ALDH7A1: variants seen among roughly 807,000 people sequenced by gnomAD.
ALDH7A1 encodes alpha-aminoadipic semialdehyde dehydrogenase.
ALDH7A1 carries 63 observed loss-of-function variants against 79.9 expected under a neutral mutation model. The observed-to-expected ratio is 0.79, with a 90% CI of 0.64 to 0.97. ALDH7A1 has a LOEUF of 0.97. Ranked by LOEUF, ALDH7A1 falls within the 50% of genes least tolerant of loss-of-function variation. The pLI, the probability that ALDH7A1 is intolerant of heterozygous loss-of-function variation, is 0.00. For missense variants in ALDH7A1, 627 were observed against 665.2 expected, an observed-to-expected ratio of 0.94 and a Z score of 0.63; for synonymous variants, 240 against 231.2, an observed-to-expected ratio of 1.04 and a Z score of -0.34.
intron 3 of ALDH7A1, chr5:126,592,341 T>C: frequency 3.2e-6 from 1 of 311,738 alleles, no homozygotes; most frequent in Non-Finnish European, 5.9e-6. Flanking sequence ...AGATCTTCTA[T>C]TCATTTTCTA....
chr5:126,574,293 G>A lies in ALDH7A1; in HGVS notation c.695+1127C>T, dbSNP rs575674842. On this transcript the variant is annotated intron_variant, in intron 7 of 17. Transcript: ENST00000409134. ...CACAAGCCTGTAATCCCAGTTACTC[G>A]GGAGGCTGAGGCAGGAGAATCACTT... Among the ~76,000 whole-genome samples the A allele has an allele frequency of 8.5e-5, 13 of 152,070 alleles. No individual in the cohort carries two copies. In the East Asian group the frequency reaches 1.9e-3, roughly 23 times the overall value.
In ALDH7A1 at chr5:126,556,010, T is replaced by C; in HGVS notation, c.1014A>G (p.Ile338Met). 1 of 1,611,920 alleles carries C rather than the reference T, an allele frequency of 6.2e-7. No homozygotes were observed. The highest frequency in any genetic ancestry group is 1.1e-5 in the South Asian group (1 of 91,034). Residue 338 changes from isoleucine to methionine, a missense_variant, in exon 12 of 18, where the codon ATA becomes ATG. Ile to Met is a conservative substitution (Grantham distance 10, BLOSUM62 1). Coordinates refer to ENST00000409134, the MANE Select transcript of ALDH7A1 (RefSeq NM_001182.5). ...QRCTTARRLF[I>M]HESIHDEVVN... ...CAACCTCATCATGGATGCTTTCATGTATAAACTAAACGAAAAAAGATATTC... is the reference window on the plus strand; with the variant it reads ...CAACCTCATCATGGATGCTTTCATGCATAAACTAAACGAAAAAAGATATTC...
chr5:126,593,308 A>AACACACAG, intron 2 of ALDH7A1, 43 bp downstream of exon 2: 1 of 1,545,992 alleles, frequency 6.5e-7, no homozygotes. Flanking sequence ...ATTTGAATTA[A>AACACACAG]ACACACACAC....
intron 9 of ALDH7A1, among the ~76,000 whole-genome samples, chr5:126,567,293 G>C (rs1274089054): frequency 1.3e-5 from 2 of 152,168 alleles, no homozygotes; most frequent in African/African-American, 4.8e-5. Flanking sequence ...CCTTTGTTCA[G>C]TGTACTGTCT....
chr5:126,546,128 G>A (rs1235110818), intron 17 of ALDH7A1, among the ~76,000 whole-genome samples, 196 bp downstream of exon 17: 1 of 152,168 alleles, frequency 6.6e-6, no homozygotes, highest in Non-Finnish European at 1.5e-5. Context: ...ATTGTTGGGT[G>A]CTGGGCACTA....
intron 7 of ALDH7A1, among the ~76,000 whole-genome samples, chr5:126,574,697 A>AT: frequency 7.1e-6 from 1 of 140,968 alleles, no homozygotes; most frequent in African/African-American, 3.1e-5. Context: ...TCCATCTCAA[A>AT]AAATAATAAT....
At chr5:126,558,164 CTCA>C (rs1271771512) in intron 11 of ALDH7A1, among the ~76,000 whole-genome samples, 1 of 38,722 alleles carries the variant, frequency 2.6e-5, no homozygotes, top group Non-Finnish European at 4.3e-5. Context: ...GAGACTCCAA[CTCA>C]AAAAAAAAAA....
chr5:126,546,523 G>T, intron 16 of ALDH7A1, 124 bp from the exon 17 acceptor site: 1 of 830,072 alleles, frequency 1.2e-6, no homozygotes, highest in Non-Finnish European at 2.0e-6. Flanking sequence ...TTTACATTTA[G>T]CCCACAATAT....
chr5:126,561,139 A>C lies in ALDH7A1; in HGVS notation c.872-15T>G. ...CAGACTTCTCCCTTAAAAGAAAAAA[A>C]TTATATATAAAAATTAATGCCTACT... is the stretch of plus-strand genomic sequence containing the variant. On this transcript the variant is annotated splice_polypyrimidine_tract_variant and intron_variant, in intron 9 of 17. Transcript: ENST00000409134. 1 of 1,592,800 alleles carries C rather than the reference A, an allele frequency of 6.3e-7. No individual in the cohort carries two copies. Among genetic ancestry groups the C allele is most frequent in the Non-Finnish European group, 8.6e-7 (1 of 1,167,318 alleles).
Position 126,583,972 on chromosome 5 carries a change from C to A in ALDH7A1, c.353G>T (p.Gly118Val). ...TTGGATCTTCTCCCGCAAGGCATCG[C>A]CAATCTGTCTTACTATTTCTCCTCG... is the stretch of plus-strand genomic sequence containing the variant. ...PKRGEIVRQI[G>V]DALREKIQVL... The change falls in exon 4 of 18, where the codon GGC becomes GTC. Residue 118 changes from glycine (G) to valine (V), a missense_variant. Physicochemically the swap from Gly to Val is moderately radical, Grantham distance 109. Coordinates refer to ENST00000409134, the MANE Select transcript of ALDH7A1 (RefSeq NM_001182.5). 6.2e-7 allele frequency: 1 copy of A among 1,614,144 alleles called. No homozygotes were observed. The highest frequency in any genetic ancestry group is 8.5e-7 in the Non-Finnish European group (1 of 1,180,024).
chr5:126,576,249 C>T (rs1042037893), intron 6 of ALDH7A1, among the ~76,000 whole-genome samples: 17 of 111,072 alleles, frequency 1.5e-4, no homozygotes, highest in African/African-American at 5.9e-4. Flanking sequence ...GGCGACAGAG[C>T]AAGACTCTGT....
chr5:126,545,169 A>T, intron 17 of ALDH7A1, 150 bp from the exon 18 acceptor site: 1 of 661,802 alleles, frequency 1.5e-6, no homozygotes, highest in South Asian at 1.8e-5. Flanking sequence ...GATAAAAGAC[A>T]ATGTTAGTAT....
chr5:126,585,318 A>G (rs1245585665), intron 3 of ALDH7A1, among the ~76,000 whole-genome samples: 1 of 152,102 alleles, frequency 6.6e-6, no homozygotes, highest in Non-Finnish European at 1.5e-5. Context: ...AATAAAGTAC[A>G]GGTAAAAGGA....
chr5:126,575,544 A>T, intron 6 of ALDH7A1, 80 bp from the exon 7 acceptor site: 1 of 1,303,272 alleles, frequency 7.7e-7, no homozygotes. Context: ...ATCAAACAGA[A>T]GCAAAAGTGT....
At position 126,543,525 on chromosome 5, in the gene ALDH7A1, C is replaced by T. The variant is rs559504053; in HGVS notation, c.*1440G>A. ...ATGGGACATATTATGAATACCTTTG[C>T]TTCCCAGATACATTTATAATTGTTT... On this transcript the variant is annotated 3_prime_UTR_variant, in exon 18 of 18. Coordinates refer to ENST00000409134, the MANE Select transcript of ALDH7A1 (RefSeq NM_001182.5). 6.6e-6 allele frequency: 1 copy of T among 152,302 alleles called. No homozygotes were observed. The highest frequency in any genetic ancestry group is 2.4e-5 in the African/African-American group (1 of 41,566). 9.4% of individuals were successfully genotyped at this position (152,302 alleles called of 1,614,324 possible).
At chr5:126,552,335 G>A (rs1244702555) in intron 13 of ALDH7A1, among the ~76,000 whole-genome samples, 198 bp from the exon 14 acceptor site, 2 of 152,122 alleles carry the variant, frequency 1.3e-5, no homozygotes, top group African/African-American at 4.8e-5. Flanking sequence ...GTTGGTCAGA[G>A]AAAAATGGAA....
Position 126,593,350 on chromosome 5 carries a change from C to T in ALDH7A1, c.246+1G>A, listed in dbSNP as rs764588746. 5 of 1,612,014 alleles carry T rather than the reference C, an allele frequency of 3.1e-6. No individual in the cohort carries two copies. Among genetic ancestry groups the T allele is most frequent in the Non-Finnish European group, 3.4e-6 (4 of 1,179,806 alleles). Reference sequence around the variant, plus strand: ...ACACACACACACACACACACTCTTACCTGTCGGACTCTTGCTATTGGCTCG... The same window carrying T: ...ACACACACACACACACACACTCTTATCTGTCGGACTCTTGCTATTGGCTCG... On this transcript the variant is annotated splice_donor_variant, in intron 2 of 17. Coordinates refer to ENST00000409134, the MANE Select transcript of ALDH7A1 (RefSeq NM_001182.5). LOFTEE classifies it high-confidence loss of function.
intron 11 of ALDH7A1, 125 bp from the exon 12 acceptor site, chr5:126,556,140 TTTA>T (rs1361977983): frequency 4.0e-6 from 2 of 506,190 alleles, no homozygotes; most frequent in Admixed American, 3.5e-5. Flanking sequence ...TCAAAGCATG[TTTA>T]TTTTTTTAAT....
intron 15 of ALDH7A1, 79 bp downstream of exon 15, chr5:126,550,117 T>C: frequency 6.5e-7 from 1 of 1,533,384 alleles, no homozygotes; most frequent in South Asian, 1.1e-5. Flanking sequence ...AAACTGATTT[T>C]AGACTACAGC....
Sources: gnomAD v4.1 joint callset for allele counts (sites outside exome capture counted in the v4.1 genomes callset) on GRCh38, gnomAD v4.1.1 for gene constraint, MANE v1.5 for transcripts, NCBI Gene and HGNC (gene_info 2026-07-23, HGNC 2026-07-21) for gene names.